Variants in CRYBG1 observed in about 807,000 individuals in gnomAD.
CRYBG1 encodes beta/gamma crystallin domain-containing protein 1.
CRYBG1 carries 139 observed loss-of-function variants against 189.2 expected under a neutral mutation model. The ratio of observed to expected loss-of-function variants is 0.73; its 90% CI spans 0.64 to 0.85. The LOEUF is 0.85. CRYBG1 is among the 40% of genes least tolerant of loss of function. The pLI is 0.00. For missense variants in CRYBG1, 2,611 were observed against 2,675.8 expected, an observed-to-expected ratio of 0.98 and a Z score of 0.53; for synonymous variants, 1,023 against 1,017.1, an observed-to-expected ratio of 1.01 and a Z score of -0.11.
chr6:106,380,331 C>T (rs1310530413), intron 1 of CRYBG1, among the ~76,000 whole-genome samples: 1 of 152,042 alleles, frequency 6.6e-6, no homozygotes, highest in Non-Finnish European at 1.5e-5. Flanking sequence ...ATTTGAATTC[C>T]CAAGAGATTC....
chr6:106,398,267 C>T (rs1377470612), intron 1 of CRYBG1, among the ~76,000 whole-genome samples: 1 of 151,958 alleles, frequency 6.6e-6, no homozygotes, highest in African/African-American at 2.4e-5. Context: ...GTAATCCCAG[C>T]ACATTAGGAG....
In CRYBG1 at chr6:106,512,123, C is replaced by G; in HGVS notation, c.1006C>G (p.Pro336Ala). 1.3e-6 allele frequency: 2 copies of G among 1,534,368 alleles called. No individual in the cohort carries two copies. The highest frequency in any genetic ancestry group is 1.7e-6 in the Non-Finnish European group (2 of 1,145,954). ...LGPRNARSQP[P>A]KGASDLPGEP... The stretch of plus-strand genomic sequence containing the variant: ...GCCCCGCAACGCCCGCAGCCAGCCC[C>G]CCAAGGGCGCGTCTGATTTGCCAGG... The change falls in exon 3 of 22, where the codon CCC (proline) becomes GCC (alanine). Residue 336 changes from proline to alanine, a missense_variant. Transcript: ENST00000633556.
At chr6:106,564,069 C>G in intron 21 of CRYBG1, 143 bp downstream of exon 21, 1 of 795,176 alleles carries the variant, frequency 1.3e-6, no homozygotes, top group Non-Finnish European at 2.0e-6. Flanking sequence ...AGCTGCTGTG[C>G]TAGCCACTTT....
intron 1 of CRYBG1, among the ~76,000 whole-genome samples, chr6:106,368,865 T>TA (rs545417645): frequency 5.3e-5 from 8 of 150,866 alleles, no homozygotes; most frequent in South Asian, 2.1e-4. Context: ...ACCTACTACT[T>TA]AAAAAAAAAT....
At position 106,520,905 on chromosome 6, in the gene CRYBG1, AAGAGATCG is replaced by A; in HGVS notation, c.3701_3708del (p.Arg1234ThrfsTer53). On this transcript the variant is annotated frameshift_variant, in exon 4 of 22. Coordinates refer to ENST00000633556, the MANE Select transcript of CRYBG1 (RefSeq NM_001371242.2). LOFTEE classifies it high-confidence loss of function. ...CAGGGACGTCACAAATGGTGGCATT[AAGAGATCG>A]AGACTAGAAAAAAGTGCACTTTTCT... 2 of 1,614,200 alleles carry A rather than the reference AAGAGATCG, an allele frequency of 1.2e-6. No individual in the cohort carries two copies. The highest frequency in any genetic ancestry group is 1.7e-6 in the Non-Finnish European group (2 of 1,180,040).
chr6:106,448,568 G>T (rs372335549), intron 1 of CRYBG1, among the ~76,000 whole-genome samples: 3 of 152,122 alleles, frequency 2.0e-5, no homozygotes, highest in Non-Finnish European at 4.4e-5. Flanking sequence ...GGTTCAACAC[G>T]CTACAAGGCC....
At chr6:106,493,264 TA>T (rs1772765315) in intron 2 of CRYBG1, among the ~76,000 whole-genome samples, 1 of 152,194 alleles carries the variant, frequency 6.6e-6, no homozygotes, top group South Asian at 2.1e-4. Context: ...TCAACATTAT[TA>T]ATCATTAGAG....
chr6:106,379,904 T>C (rs1425654265), intron 1 of CRYBG1, among the ~76,000 whole-genome samples: 1 of 152,180 alleles, frequency 6.6e-6, no homozygotes, highest in East Asian at 1.9e-4. Flanking sequence ...TAATTACAGA[T>C]CACACTAAGG....
intron 1 of CRYBG1, among the ~76,000 whole-genome samples, chr6:106,376,671 G>A (rs989478355): frequency 1.3e-5 from 2 of 152,158 alleles, no homozygotes; most frequent in African/African-American, 2.4e-5. Flanking sequence ...GCCATTGGGA[G>A]CCCTGGTCTG....
At position 106,512,171 on chromosome 6, in the gene CRYBG1, G is replaced by C. The variant is rs1773285204; in HGVS notation, c.1054G>C (p.Ala352Pro). ...LPGEPPAEGA[A>P]HTASSAQADC... ...AGGTGAGCCTCCGGCCGAGGGCGCAGCGCACACGGCCAGCTCCGCGCAGGC... is the reference window on the plus strand; with the variant it reads ...AGGTGAGCCTCCGGCCGAGGGCGCACCGCACACGGCCAGCTCCGCGCAGGC... The change falls in exon 3 of 22, where the codon GCG (alanine) becomes CCG (proline). Residue 352 changes from alanine (A) to proline (P), a missense_variant. Ala to Pro is a conservative substitution (Grantham distance 27). This residue lies in a region of CRYBG1 where 985 missense variants were observed against 924.4 expected (regional missense o/e 1.07). Coordinates refer to ENST00000633556, the MANE Select transcript of CRYBG1 (RefSeq NM_001371242.2). The C allele has an allele frequency of 6.5e-7, 1 of 1,534,700 alleles. No individual in the cohort carries two copies. The highest frequency in any genetic ancestry group is 8.7e-7 in the Non-Finnish European group (1 of 1,146,028).
intron 13 of CRYBG1, among the ~76,000 whole-genome samples, chr6:106,551,254 T>C (rs1774397943): frequency 6.6e-6 from 1 of 152,156 alleles, no homozygotes; most frequent in African/African-American, 2.4e-5. Flanking sequence ...TTCTTGCTCA[T>C]AAATATTTGG....
chr6:106,515,775 TTATTTATTTA>T (rs1407610278), intron 3 of CRYBG1, among the ~76,000 whole-genome samples: 1 of 142,054 alleles, frequency 7.0e-6, no homozygotes, highest in African/African-American at 3.0e-5. Context: ...ATTTATTTAT[TTATTTATTTA>T]TTTATTTATT....
At chr6:106,377,059 C>G (rs1355722765) in intron 1 of CRYBG1, among the ~76,000 whole-genome samples, 1 of 152,150 alleles carries the variant, frequency 6.6e-6, no homozygotes, top group Non-Finnish European at 1.5e-5. Context: ...AAGCAGGATA[C>G]CTTCCCTGCC....
chr6:106,407,180 A>G (rs2114365151), intron 1 of CRYBG1, among the ~76,000 whole-genome samples: 1 of 148,648 alleles, frequency 6.7e-6, no homozygotes, highest in South Asian at 2.2e-4. Flanking sequence ...AAATAAAGGG[A>G]TGGAGGAATA....
intron 1 of CRYBG1, among the ~76,000 whole-genome samples, chr6:106,403,858 CA>C (rs1017060981): frequency 1.3e-5 from 2 of 152,040 alleles, no homozygotes; most frequent in African/African-American, 4.8e-5. Flanking sequence ...TAAGAAAGGT[CA>C]AAACATGGTA....
intron 1 of CRYBG1, among the ~76,000 whole-genome samples, chr6:106,379,388 A>G (rs972906049): frequency 6.6e-6 from 1 of 151,610 alleles, no homozygotes; most frequent in East Asian, 2.0e-4. Flanking sequence ...CAGTCTCCCA[A>G]GTAGCTGGGA....
At chr6:106,387,325 T>G (rs6568434) in intron 1 of CRYBG1, among the ~76,000 whole-genome samples, 6,938 of 152,170 alleles carry the variant, frequency 0.046, 521 homozygotes, top group African/African-American at 0.16. Flanking sequence ...CTGGGAGAAG[T>G]GAGGAGGGAA....
rs1562104728 is a variant in CRYBG1 at position 106,525,179 on chromosome 6, A to G, written c.4292A>G (p.Lys1431Arg). 4 of 1,614,130 alleles carry G rather than the reference A, an allele frequency of 2.5e-6. No homozygotes were observed. Among genetic ancestry groups the G allele is most frequent in the Non-Finnish European group, 3.4e-6 (4 of 1,179,986 alleles). The change falls in exon 5 of 22, where the codon AAG becomes AGG. Residue 1431 changes from lysine (K) to arginine (R), a missense_variant and splice_region_variant. Physicochemically the swap from Lys to Arg is conservative, Grantham distance 26 (BLOSUM62 2). Coordinates refer to ENST00000633556, the MANE Select transcript of CRYBG1 (RefSeq NM_001371242.2). ...VQNKLNPRPG[K>R]VVIYSEPDVS... ...AATAAACTCAATCCCCGACCTGGAA[A>G]GGTAAGATTATTTTCTGTTTCTAGT...
At chr6:106,412,808 C>T (rs1480484755) in intron 1 of CRYBG1, among the ~76,000 whole-genome samples, 4 of 152,028 alleles carry the variant, frequency 2.6e-5, no homozygotes, top group Admixed American at 6.5e-5. Context: ...TCTTGTGTGG[C>T]GGATTTCTTA....
Sources: gnomAD v4.1 joint callset for allele counts (sites outside exome capture counted in the v4.1 genomes callset) on GRCh38, gnomAD v4.1.1 for gene constraint, gnomAD v4.1.1 regional missense constraint, MANE v1.5 for transcripts, NCBI Gene and HGNC (gene_info 2026-07-23, HGNC 2026-07-21) for gene names.